The following PLCZ1 variants were observed in gnomAD, a reference collection of about 807,000 sequenced individuals.
The protein encoded by PLCZ1 is 1-phosphatidylinositol 4,5-bisphosphate phosphodiesterase zeta-1.
Under a neutral mutation model 76.8 loss-of-function variants are expected in PLCZ1, and 64 were observed. The observed-to-expected ratio is 0.83, with a 90% confidence interval of 0.68 to 1.03. The LOEUF is 1.03. Ranked by LOEUF, PLCZ1 falls within the 50% of genes least tolerant of loss-of-function variation. The pLI is 0.00. For missense variants in PLCZ1, 751 were observed against 713.7 expected (o/e 1.05, Z -0.60); for synonymous variants, 248 against 230.8 (o/e 1.07, Z -0.68).
intron 3 of PLCZ1, among the ~76,000 whole-genome samples, chr12:18,727,556 A>G (rs77553410): frequency 0.012 from 1,797 of 152,268 alleles, 32 homozygotes; most frequent in African/African-American, 0.041. Flanking sequence ...AGAGCAAATG[A>G]AAGTACAAAG....
intron 6 of PLCZ1, among the ~76,000 whole-genome samples, chr12:18,705,622 T>A (rs542252214): frequency 6.6e-6 from 1 of 152,150 alleles, no homozygotes; most frequent in Non-Finnish European, 1.5e-5. Context: ...TCCCAGCACT[T>A]TGGGAGGCTG....
At chr12:18,697,649 C>G (rs1019447720) in intron 10 of PLCZ1, among the ~76,000 whole-genome samples, 7 of 152,152 alleles carry the variant, frequency 4.6e-5, no homozygotes, top group Non-Finnish European at 8.8e-5. Context: ...CTGATAACCA[C>G]TGATAACTCC....
chr12:18,678,552 A>G (rs1265717166), downstream of PLCZ1, among the ~76,000 whole-genome samples: 2 of 151,966 alleles, frequency 1.3e-5, no homozygotes, highest in African/African-American at 2.4e-5. Context: ...TTCTGTTACT[A>G]TAGAAATTTA....
intron 3 of PLCZ1, among the ~76,000 whole-genome samples, chr12:18,724,109 A>T (rs1377999347): frequency 6.6e-6 from 1 of 152,132 alleles, no homozygotes; most frequent in African/African-American, 2.4e-5. Context: ...TAAAAGTACC[A>T]GGATGATTGG....
intron 2 of PLCZ1, among the ~76,000 whole-genome samples, chr12:18,736,960 ATT>A (rs777245419): frequency 1.7e-4 from 26 of 152,236 alleles, no homozygotes; most frequent in African/African-American, 5.1e-4. Context: ...AACGAAAAAA[ATT>A]TTTAAAAGCT....
intron 7 of PLCZ1, among the ~76,000 whole-genome samples, chr12:18,702,081 TATAA>T (rs1478007016): frequency 6.6e-6 from 1 of 152,146 alleles, no homozygotes; most frequent in African/African-American, 2.4e-5. Context: ...AGTATATATA[TATAA>T]ATACTTACCA....
At chr12:18,698,315 C>G (rs1267307083) in intron 10 of PLCZ1, among the ~76,000 whole-genome samples, 1 of 151,734 alleles carries the variant, frequency 6.6e-6, no homozygotes, top group East Asian at 1.9e-4. Context: ...CCATCCCATT[C>G]CATTCTACTC....
chr12:18,699,467 T>A (rs1592101816), intron 10 of PLCZ1, among the ~76,000 whole-genome samples: 1 of 152,142 alleles, frequency 6.6e-6, no homozygotes, highest in African/African-American at 2.4e-5. Flanking sequence ...AGTTCAAGCC[T>A]TCTAATTCGG....
chr12:18,688,138 A>G lies in PLCZ1; in HGVS notation c.1542T>C (p.Gly514=). ...GCTGCTTCATTTGATCATTTGGAACACCAAAAACTTCTATAATTACTAATG... is the reference window on the plus strand; with the variant it reads ...GCTGCTTCATTTGATCATTTGGAACGCCAAAAACTTCTATAATTACTAATG... The part of the protein sequence containing the change: ...GDSLVIIEVF[G]VPNDQMKQQT... Residue 514 remains glycine, a synonymous_variant, in exon 13 of 15, where the codon GGT becomes GGC. Coordinates refer to ENST00000266505, the MANE Select transcript of PLCZ1 (RefSeq NM_033123.4). 1 of 1,611,834 alleles carries G rather than the reference A, an allele frequency of 6.2e-7. No homozygotes were observed.
At chr12:18,681,487 A>G (rs985814289), downstream of PLCZ1, among the ~76,000 whole-genome samples, 1 of 152,082 alleles carries the variant, frequency 6.6e-6, no homozygotes, top group African/African-American at 2.4e-5. Flanking sequence ...TCTAAATGTG[A>G]GAACATTCCC....
the PLCZ1 span, among the ~76,000 whole-genome samples, chr12:18,653,482 A>T: frequency 1.6e-3 from 247 of 152,300 alleles, no homozygotes; most frequent in African/African-American, 5.7e-3. Context: ...TGAATTCAAA[A>T]TGTGTTACAA....
downstream of PLCZ1, among the ~76,000 whole-genome samples, chr12:18,679,409 GT>G (rs1952225767): frequency 6.6e-6 from 1 of 151,944 alleles, no homozygotes; most frequent in South Asian, 2.1e-4. Context: ...TCTTCTAGAA[GT>G]TTCATAACTT....
At chr12:18,694,104 C>G (rs963099888) in intron 12 of PLCZ1, 3 of 1,019,086 alleles carry the variant, frequency 2.9e-6, no homozygotes, top group African/African-American at 3.3e-5. Flanking sequence ...CTCTAGTGAA[C>G]TACGGCTGCC....
downstream of PLCZ1, among the ~76,000 whole-genome samples, chr12:18,681,687 G>A (rs1370735502): frequency 6.6e-6 from 1 of 152,028 alleles, no homozygotes; most frequent in Non-Finnish European, 1.5e-5. Context: ...TTCTCGCAAA[G>A]TCCGTATTCC....
the PLCZ1 span, among the ~76,000 whole-genome samples, chr12:18,655,941 GA>G: frequency 1.3e-5 from 2 of 152,116 alleles, no homozygotes; most frequent in Non-Finnish European, 2.9e-5. Flanking sequence ...TCCTGAAACG[GA>G]AAAACTAAGT....
the PLCZ1 span, among the ~76,000 whole-genome samples, chr12:18,677,924 T>G: frequency 6.6e-6 from 1 of 152,070 alleles, no homozygotes; most frequent in African/African-American, 2.4e-5. Flanking sequence ...TGTGTGCTTG[T>G]GTATGTGGTG....
At chr12:18,737,582 T>C (rs1592313824) in intron 1 of PLCZ1, 73 bp from the exon 2 acceptor site, 2 of 691,850 alleles carry the variant, frequency 2.9e-6, no homozygotes, top group East Asian at 2.7e-5. Context: ...CACTTAACCA[T>C]AGAAACAGTA....
chr12:18,729,200 C>T (rs577233401), intron 3 of PLCZ1, among the ~76,000 whole-genome samples: 43 of 152,172 alleles, frequency 2.8e-4, no homozygotes, highest in African/African-American at 8.7e-4. Flanking sequence ...TTTCTTACCA[C>T]TTCCTTTCAT....
In PLCZ1 at chr12:18,687,194, G is replaced by A. The variant is rs11044248; in HGVS notation, c.1591+895C>T. ...TTCCAAATCTTTTTCCATGACTTTC[G>A]CTCTAGAAGCCACACTGGAAGTATT... is the stretch of plus-strand genomic sequence containing the variant. On this transcript the variant is annotated intron_variant, in intron 13 of 14. Coordinates refer to ENST00000266505, the MANE Select transcript of PLCZ1 (RefSeq NM_033123.4). Among the ~76,000 whole-genome samples, 1,082 of 152,122 alleles carry A rather than the reference G, an allele frequency of 7.1e-3. 13 individuals carry two copies. Among genetic ancestry groups the A allele is most frequent in the Admixed American group, 0.022 (331 of 15,260 alleles).
Sources: allele counts gnomAD v4.1 joint callset (sites outside exome capture counted in the v4.1 genomes callset), GRCh38; gene constraint gnomAD v4.1.1; transcripts MANE v1.5; gene names NCBI Gene and HGNC (gene_info 2026-07-23, HGNC 2026-07-21).